LIPA: variants seen among roughly 807,000 people sequenced by gnomAD.
LIPA encodes the protein lysosomal acid lipase/cholesteryl ester hydrolase.
Under a neutral mutation model 40.6 loss-of-function variants are expected in LIPA, and 26 were observed. The ratio of observed to expected loss-of-function variants is 0.64; its 90% CI spans 0.47 to 0.89. The LOEUF (loss-of-function observed/expected upper bound fraction) is 0.89, where lower values mean the gene tolerates loss of function less well. Among genes scored for constraint, LIPA ranks in the 40% least tolerant of loss-of-function variants. The pLI, the probability that LIPA is intolerant of heterozygous loss-of-function variation, is 0.00. For missense variants in LIPA, 455 were observed against 479.6 expected (o/e 0.95, Z 0.48); for synonymous variants, 188 against 168.4 (o/e 1.12, Z -0.90).
intron 3 of LIPA, among the ~76,000 whole-genome samples, chr10:89,233,437 A>T (rs1350384238): frequency 6.6e-6 from 1 of 152,228 alleles, no homozygotes; most frequent in East Asian, 1.9e-4. Flanking sequence ...TCAGGTGAAA[A>T]GTTTTTAATG....
chr10:89,248,983 C>T (rs1003082250), intron 1 of LIPA, among the ~76,000 whole-genome samples: 1 of 152,140 alleles, frequency 6.6e-6, no homozygotes, highest in African/African-American at 2.4e-5. Context: ...GCTTATTTCC[C>T]ACCTCTTGCC....
intron 1 of LIPA, among the ~76,000 whole-genome samples, chr10:89,327,029 C>G (rs955676794): frequency 6.6e-6 from 1 of 152,196 alleles, no homozygotes; most frequent in Non-Finnish European, 1.5e-5. Context: ...GGAAGCGGGG[C>G]AGCTTCCAAG....
At chr10:89,361,225 C>T (rs1844019793) in intron 2 of LIPA, among the ~76,000 whole-genome samples, 1 of 152,148 alleles carries the variant, frequency 6.6e-6, no homozygotes, top group Admixed American at 6.6e-5. Context: ...GTAGTTGGCT[C>T]AAAAGCTGCT....
intron 1 of LIPA, among the ~76,000 whole-genome samples, chr10:89,337,349 C>A (rs1843758430): frequency 6.6e-6 from 1 of 152,104 alleles, no homozygotes; most frequent in Non-Finnish European, 1.5e-5. Flanking sequence ...ACAAACCTTA[C>A]CCAGAATGTA....
At chr10:89,332,697 C>T (rs1843668420) in intron 1 of LIPA, 1 of 1,476,728 alleles carries the variant, frequency 6.8e-7, no homozygotes, top group Admixed American at 1.7e-5. Flanking sequence ...TATGCTATTT[C>T]AGTGTTTGCT....
intron 1 of LIPA, among the ~76,000 whole-genome samples, chr10:89,268,638 A>C (rs1239727410): frequency 6.6e-6 from 1 of 152,190 alleles, no homozygotes; most frequent in East Asian, 1.9e-4. Flanking sequence ...TATTTTTTGA[A>C]ATCATTTTTA....
upstream of LIPA, among the ~76,000 whole-genome samples, chr10:89,253,105 C>T (rs1263435792): frequency 2.6e-5 from 4 of 152,086 alleles, no homozygotes; most frequent in Non-Finnish European, 5.9e-5. Context: ...AAGATCTTAC[C>T]GTGTCTTCTG....
intron 1 of LIPA, among the ~76,000 whole-genome samples, chr10:89,300,758 G>T (rs542674209): frequency 1.3e-5 from 2 of 152,176 alleles, no homozygotes; most frequent in Non-Finnish European, 2.9e-5. Context: ...AGGCCAAGGC[G>T]GGCAGATCAC....
At chr10:89,414,610 G>C (rs1173786801), upstream of LIPA, 2 of 512,808 alleles carry the variant, frequency 3.9e-6, no homozygotes, top group Non-Finnish European at 6.7e-6. Flanking sequence ...CCAGTTTCCT[G>C]TTCTTGCTGG....
chr10:89,253,577 T>C (rs1033497164), upstream of LIPA, among the ~76,000 whole-genome samples: 1 of 152,172 alleles, frequency 6.6e-6, no homozygotes, highest in Non-Finnish European at 1.5e-5. Flanking sequence ...AACCATATCA[T>C]TCTGCCCTTG....
chr10:89,303,940 T>C (rs888312369), intron 1 of LIPA, among the ~76,000 whole-genome samples: 4 of 152,100 alleles, frequency 2.6e-5, no homozygotes, highest in African/African-American at 9.7e-5. Context: ...CAGTAGAGAG[T>C]GTGACTGAGA....
chr10:89,225,587 C>A (rs560322453), intron 5 of LIPA, among the ~76,000 whole-genome samples: 1 of 152,270 alleles, frequency 6.6e-6, no homozygotes, highest in South Asian at 2.1e-4. Flanking sequence ...CTCCCCCATG[C>A]CCCTCCCCCA....
At chr10:89,364,638 C>CATATATATGTATACATATAATATATATGT in intron 2 of LIPA, among the ~76,000 whole-genome samples, 1 of 149,452 alleles carries the variant, frequency 6.7e-6, no homozygotes, top group African/African-American at 2.4e-5. Flanking sequence ...CTAAAGTATT[C>CATATATATGTATACATATAATATATATGT]ATATATATGT....
At chr10:89,332,705 G>T in intron 1 of LIPA, 1 of 1,410,412 alleles carries the variant, frequency 7.1e-7, no homozygotes, top group Non-Finnish European at 1.0e-6. Flanking sequence ...TTCAGTGTTT[G>T]CTTAGAGATG....
At chr10:89,315,388 C>T (rs528424437) in intron 1 of LIPA, among the ~76,000 whole-genome samples, 22 of 152,248 alleles carry the variant, frequency 1.4e-4, no homozygotes, top group African/African-American at 4.1e-4. Flanking sequence ...CTCGAAGTAT[C>T]TCATGAGACT....
intron 2 of LIPA, among the ~76,000 whole-genome samples, chr10:89,410,807 C>T (rs1048987616): frequency 6.6e-6 from 1 of 152,180 alleles, no homozygotes; most frequent in Admixed American, 6.5e-5. Context: ...CAGTCTTACA[C>T]TGCTGAAGCC....
chr10:89,247,732 G>T (rs1843047994), intron 1 of LIPA, 83 bp from the exon 2 acceptor site: 4 of 979,306 alleles, frequency 4.1e-6, no homozygotes, highest in Admixed American at 3.9e-5. Flanking sequence ...CCCACAAAAA[G>T]TTCTGAACCA....
Position 89,306,874 on chromosome 10 carries a change from G to A in LIPA, c.-2+35737C>T, listed in dbSNP as rs777594055. The A allele has an allele frequency of 1.9e-6, 3 of 1,614,118 alleles. No homozygotes were observed. The South Asian group carries it at 3.3e-5, about 18-fold the overall frequency. On this transcript the variant is annotated intron_variant, in intron 1 of 5. Coordinates refer to the LIPA transcript ENST00000282673. ...TAATGAATCTAAGAGAGAATGGAAT[G>A]TATGGGAAAAGAAAGTTACTGGAAC...
At chr10:89,403,025 G>A in intron 2 of LIPA, 1 of 1,614,222 alleles carries the variant, frequency 6.2e-7, no homozygotes, top group East Asian at 2.2e-5. Context: ...TGTCCTCACA[G>A]ACCTATGTCT....
Sources: gnomAD v4.1 joint callset for allele counts (sites outside exome capture counted in the v4.1 genomes callset) on GRCh38, gnomAD v4.1.1 for gene constraint, MANE v1.5 for transcripts, NCBI Gene and HGNC (gene_info 2026-07-23, HGNC 2026-07-21) for gene names.